PAH: variants seen among roughly 807,000 people sequenced by gnomAD.
PAH encodes phenylalanine-4-hydroxylase.
In PAH, 64 loss-of-function variants were observed where a neutral mutation model predicts 62.0. The observed-to-expected ratio is 1.03, with a 90% CI of 0.84 to 1.27. The LOEUF (loss-of-function observed/expected upper bound fraction) is 1.27. PAH is among the 50% of genes most tolerant of loss of function. PAH has a pLI of 0.00. For synonymous variants in PAH, 195 were observed against 196.2 expected (o/e 0.99, Z 0.05); for missense variants, 579 against 542.8 (o/e 1.07, Z -0.66).
chr12:102,841,802 C>G (rs988325606), intron 11 of PAH, among the ~76,000 whole-genome samples: 3 of 152,160 alleles, frequency 2.0e-5, no homozygotes, highest in Admixed American at 2.0e-4. Flanking sequence ...CCCTACCCTA[C>G]TAGGTGTGTA....
intron 1 of PAH, among the ~76,000 whole-genome samples, chr12:102,922,815 C>A (rs996001874): frequency 6.6e-6 from 1 of 152,088 alleles, no homozygotes; most frequent in Admixed American, 6.5e-5. Context: ...TACATACTGA[C>A]AAATTACCCT....
chr12:102,866,695 G>C lies in PAH; in HGVS notation c.442-32C>G, dbSNP rs183656745. The C allele has an allele frequency of 3.5e-4, 548 of 1,567,674 alleles. 3 individuals carry two copies. The African/African-American group carries it at 6.8e-3, about 19-fold the overall frequency. Reference sequence around the variant, plus strand: ...GAAAAGAGACACCTGATTTTTCAAGGCTTCATAGGAAGAGGTCTGGTACCT... The same window carrying C: ...GAAAAGAGACACCTGATTTTTCAAGCCTTCATAGGAAGAGGTCTGGTACCT... On this transcript the variant is annotated intron_variant, in intron 4 of 12. Transcript: ENST00000553106.
upstream of PAH, among the ~76,000 whole-genome samples, chr12:102,951,391 C>A (rs1255376522): frequency 1.3e-5 from 2 of 152,184 alleles, no homozygotes; most frequent in African/African-American, 4.8e-5. Flanking sequence ...GGAATGGCTT[C>A]TCACCAACAT....
chr12:102,896,301 T>A (rs1235559541), intron 2 of PAH, among the ~76,000 whole-genome samples: 1 of 152,092 alleles, frequency 6.6e-6, no homozygotes, highest in Non-Finnish European at 1.5e-5. Flanking sequence ...CAAGGTGGGT[T>A]GATGAGAGTG....
At chr12:102,923,138 G>A (rs909918839) in intron 1 of PAH, among the ~76,000 whole-genome samples, 1 of 152,196 alleles carries the variant, frequency 6.6e-6, no homozygotes, top group Non-Finnish European at 1.5e-5. Context: ...GAGGTCTGCT[G>A]AGTCAAGATT....
chr12:102,954,513 A>T (rs1205416039), upstream of PAH, among the ~76,000 whole-genome samples: 3 of 152,180 alleles, frequency 2.0e-5, no homozygotes, highest in African/African-American at 7.2e-5. Flanking sequence ...TTGGAGGTAG[A>T]TACTATAATT....
Position 102,895,155 on chromosome 12 carries a change from C to G in PAH, c.169-237G>C, listed in dbSNP as rs192439649. On this transcript the variant is annotated intron_variant, in intron 2 of 12. Coordinates refer to ENST00000553106, the MANE Select transcript of PAH (RefSeq NM_000277.3). ...GTTAGTTCACATGTCACAATTTAAT[C>G]ACATGAAAATCTGCTAAAGGCCTAG... Among the ~76,000 whole-genome samples the G allele has an allele frequency of 2.2e-4, 34 of 152,242 alleles. No individual in the cohort carries two copies. In the East Asian group the frequency reaches 6.4e-3, roughly 28 times the overall value.
chr12:102,921,533 C>A (rs1171759478), upstream of PAH, among the ~76,000 whole-genome samples: 5 of 152,156 alleles, frequency 3.3e-5, no homozygotes, highest in Non-Finnish European at 7.3e-5. Flanking sequence ...TTTGAAATAA[C>A]AAGTCCATCC....
rs376060411 is a variant in PAH, at chr12:102,837,735, T to G, written c.*1440A>C. The stretch of plus-strand genomic sequence containing the variant: ...AAGTTTAACTCCCTCATTGTTAGAG[T>G]GACACTGAGGTCTAAAGAAGGGAAA... On this transcript the variant is annotated 3_prime_UTR_variant, in exon 13 of 13. Transcript: ENST00000553106. 8.5e-5 allele frequency: 13 copies of G among 152,172 alleles called. No individual in the cohort carries two copies. Among genetic ancestry groups the G allele is most frequent in the African/African-American group, 2.9e-4 (12 of 41,434 alleles). The allele number at this position is 152,172 out of a possible 1,614,324, so 9.4% of individuals were successfully genotyped here.
At chr12:102,887,536 CT>C (rs1877092780) in intron 3 of PAH, among the ~76,000 whole-genome samples, 1 of 151,978 alleles carries the variant, frequency 6.6e-6, no homozygotes, top group Admixed American at 6.6e-5. Context: ...GACAAGTGAC[CT>C]GTTATTGGCT....
intron 5 of PAH, among the ~76,000 whole-genome samples, chr12:102,861,966 T>TAAAAAAAAA (rs71097947): frequency 2.2e-4 from 28 of 128,410 alleles, no homozygotes; most frequent in Admixed American, 4.0e-4. Context: ...ACTTAAAGTA[T>TAAAAAAAAA]AAAAAAAAAA....
intron 8 of PAH, among the ~76,000 whole-genome samples, chr12:102,851,088 T>TA (rs63714760): frequency 0.28 from 39,749 of 142,484 alleles, 6,537 homozygotes; most frequent in African/African-American, 0.41. Flanking sequence ...GACCTTGCCT[T>TA]AAAAGAAAAA....
At chr12:102,906,867 G>A (rs913746845) in intron 2 of PAH, among the ~76,000 whole-genome samples, 2 of 152,174 alleles carry the variant, frequency 1.3e-5, no homozygotes, top group Admixed American at 1.3e-4. Flanking sequence ...TACTGAAAGA[G>A]GCTGCAGACC....
chr12:102,892,685 C>T (rs1378753849), intron 3 of PAH, among the ~76,000 whole-genome samples: 1 of 152,180 alleles, frequency 6.6e-6, no homozygotes, highest in Non-Finnish European at 1.5e-5. Flanking sequence ...GGAAGCCAGT[C>T]TGAAAAGGCT....
intron 1 of PAH, among the ~76,000 whole-genome samples, chr12:102,927,339 T>C (rs1471887520): frequency 1.3e-5 from 2 of 151,322 alleles, no homozygotes; most frequent in Non-Finnish European, 2.9e-5. Flanking sequence ...CATCCTTCCT[T>C]GGCCCAGATA....
In PAH at chr12:102,855,332, A is replaced by T. The variant is rs199475652; in HGVS notation, c.510T>A (p.His170Gln). 6.2e-6 allele frequency: 10 copies of T among 1,613,908 alleles called. No homozygotes were observed. In the East Asian group the frequency reaches 2.0e-4, roughly 32 times the overall value. The change falls in exon 6 of 13, where the codon CAT (histidine) becomes CAA (glutamine). Residue 170 changes from histidine to glutamine, a missense_variant and splice_region_variant. Physicochemically the swap from His to Gln is conservative, Grantham distance 24. Transcript: ENST00000553106. ...QFADIAYNYR[H>Q]GQPIPRVEYM... The stretch of plus-strand genomic sequence containing the variant: ...ATTCCACTCGAGGGATGGGCTGCCC[A>T]CTAGAATACAGGCACAAAATAGGTG...
At chr12:102,883,680 C>A (rs1205950360) in intron 3 of PAH, among the ~76,000 whole-genome samples, 4 of 152,184 alleles carry the variant, frequency 2.6e-5, no homozygotes, top group Admixed American at 1.3e-4. Flanking sequence ...CGAGGTAGCA[C>A]TGCGAGGCTG....
chr12:102,854,904 A>T, intron 6 of PAH: 1 of 596,282 alleles, frequency 1.7e-6, no homozygotes, highest in Non-Finnish European at 3.0e-6. Flanking sequence ...GTACACGGCA[A>T]AATCCACAGC....
Position 102,855,349 on chromosome 12 carries a change from A to AAAT in PAH, c.510-20_510-18dup, listed in dbSNP as rs398123293. 5.7e-4 allele frequency: 914 copies of AAAT among 1,612,404 alleles called. 8 individuals are homozygous for AAAT. The African/African-American group carries it at 0.01, about 18-fold the overall frequency. On this transcript the variant is annotated splice_polypyrimidine_tract_variant and intron_variant, in intron 5 of 12. Transcript: ENST00000553106. ...GGCTGCCCACTAGAATACAGGCACA[A>AAAT]AATAGGTGTCTCAAGCAGGGCAGGG...
Sources: allele counts gnomAD v4.1 joint callset (sites outside exome capture counted in the v4.1 genomes callset), GRCh38; gene constraint gnomAD v4.1.1; transcripts MANE v1.5; gene names NCBI Gene and HGNC (gene_info 2026-07-23, HGNC 2026-07-21).